The following HRK variants were observed in gnomAD, a reference collection of about 807,000 sequenced individuals.
HRK encodes harakiri, BCL2 interacting protein.
HRK carries 6 observed loss-of-function variants against 5.9 expected under a neutral mutation model. The ratio of observed to expected loss-of-function variants is 1.02; its 90% CI spans 0.56 to 2.01. The LOEUF is 2.01. HRK is among the 30% of genes most tolerant of loss of function. The pLI, the probability that HRK is intolerant of heterozygous loss-of-function variation, is 0.00. For synonymous variants in HRK, 85 were observed against 65.1 expected, an observed-to-expected ratio of 1.31 and a Z score of -1.47; for missense variants, 133 against 128.3, an observed-to-expected ratio of 1.04 and a Z score of -0.18.
chr12:116,860,813 C>T lies in HRK; in HGVS notation c.*710G>A, dbSNP rs745923694. 6.6e-6 allele frequency: 1 copy of T among 152,182 alleles called. No individual in the cohort carries two copies. The highest frequency in any genetic ancestry group is 1.5e-5 in the Non-Finnish European group (1 of 68,070). The allele number at this position is 152,182 out of a possible 1,614,324, so 9.4% of individuals were successfully genotyped here. On this transcript the variant is annotated 3_prime_UTR_variant, in exon 2 of 2. Transcript: ENST00000257572. ...AATACCACAGCAGCACCAGCAGGAA[C>T]GCACTTAGCACCAGCAAAATTTTAA...
rs994823403 is a variant in HRK, at chr12:116,859,993, A to G, written c.*1530T>C. On this transcript the variant is annotated 3_prime_UTR_variant, in exon 2 of 2. Transcript: ENST00000257572. ...CGCATCCACCTTAAACATGGATCCC[A>G]CTGCTGGCGTCTTAGAACTGGAGCG... 6.6e-6 allele frequency: 1 copy of G among 152,202 alleles called. No homozygotes were observed. The highest frequency in any genetic ancestry group is 2.4e-5 in the African/African-American group (1 of 41,444). 9.4% of individuals were successfully genotyped at this position (152,202 alleles called of 1,614,324 possible). A position where few individuals can be genotyped will look rare whatever the true frequency, so the allele number is the denominator to read the frequency against.
intron 1 of HRK, among the ~76,000 whole-genome samples, chr12:116,877,850 C>T (rs577515619): frequency 6.6e-6 from 1 of 152,046 alleles, no homozygotes; most frequent in Admixed American, 6.6e-5. Context: ...ATTGCTGGTT[C>T]GCAGTAGAGA....
intron 1 of HRK, among the ~76,000 whole-genome samples, chr12:116,876,178 G>C (rs1057428703): frequency 6.6e-6 from 1 of 152,120 alleles, no homozygotes. Flanking sequence ...CTCACTATGC[G>C]AGCGGATGAC....
intron 1 of HRK, among the ~76,000 whole-genome samples, chr12:116,863,457 G>A (rs954028190): frequency 6.6e-6 from 1 of 152,102 alleles, no homozygotes; most frequent in Non-Finnish European, 1.5e-5. Flanking sequence ...CCCCTCTATG[G>A]CCAAGCCTGG....
chr12:116,881,121 CG>C lies in HRK; in HGVS notation c.186del (p.Gly63AlafsTer51). 1 of 1,219,896 alleles carries C rather than the reference CG, an allele frequency of 8.2e-7. No individual in the cohort carries two copies. The highest frequency in any genetic ancestry group is 1.0e-6 in the Non-Finnish European group (1 of 981,166). 75.6% of individuals were successfully genotyped at this position (1,219,896 alleles called of 1,614,324 possible). ...CAAGGCCAGTAGGTGGGGAGCGCGC[CG>C]GGCGCCGGCGCCCTCCGGCTCCGCG... ...RRARSRRAPA[P>X]GALPTYWPWL... On this transcript the variant is annotated frameshift_variant, in exon 1 of 2. Coordinates refer to ENST00000257572, the MANE Select transcript of HRK (RefSeq NM_003806.4). LOFTEE classifies it high-confidence loss of function.
intron 1 of HRK, among the ~76,000 whole-genome samples, chr12:116,876,247 CG>C (rs981145585): frequency 1.3e-5 from 2 of 152,182 alleles, no homozygotes; most frequent in Non-Finnish European, 2.9e-5. Flanking sequence ...GGCCCCTTCC[CG>C]GGGGGTTCCT....
At chr12:116,871,596 G>A (rs1239920548) in intron 1 of HRK, among the ~76,000 whole-genome samples, 19 of 136,084 alleles carry the variant, frequency 1.4e-4, no homozygotes, top group Non-Finnish European at 2.7e-4. Context: ...GAGCCACCGT[G>A]CCCAGCCAAA....
At chr12:116,873,817 C>T (rs1878840685) in intron 1 of HRK, among the ~76,000 whole-genome samples, 1 of 152,166 alleles carries the variant, frequency 6.6e-6, no homozygotes, top group African/African-American at 2.4e-5. Context: ...TGCCTCCCCA[C>T]AGGAAAAGGA....
At chr12:116,875,740 C>G (rs997159411) in intron 1 of HRK, among the ~76,000 whole-genome samples, 1 of 152,078 alleles carries the variant, frequency 6.6e-6, no homozygotes, top group African/African-American at 2.4e-5. Flanking sequence ...GATGGGGTTT[C>G]ACCACATTGG....
intron 1 of HRK, among the ~76,000 whole-genome samples, chr12:116,863,069 G>A (rs1486667385): frequency 6.6e-6 from 1 of 152,162 alleles, no homozygotes; most frequent in African/African-American, 2.4e-5. Flanking sequence ...CTATAAGTTA[G>A]CGGGGGAGAT....
chr12:116,862,617 C>G lies in HRK; in HGVS notation c.*57-1151G>C, dbSNP rs559945642. On this transcript the variant is annotated intron_variant, in intron 1 of 1. Coordinates refer to ENST00000257572, the MANE Select transcript of HRK (RefSeq NM_003806.4). The surrounding 1 kb of genome is among the most constrained non-coding windows in gnomAD (Gnocchi z 4.0). ...GCGCATGGGGTTTCTTTCAGGGAAA[C>G]GAAAATTTTCCAAAGTTGACTGTGA... Among the ~76,000 whole-genome samples, 5 of 152,208 alleles carry G rather than the reference C, an allele frequency of 3.3e-5. No individual in the cohort carries two copies. The highest frequency in any genetic ancestry group is 1.2e-4 in the African/African-American group (5 of 41,548).
At chr12:116,873,297 ACTACAATTTTCTT>A (rs1343035721) in intron 1 of HRK, among the ~76,000 whole-genome samples, 2 of 150,620 alleles carry the variant, frequency 1.3e-5, no homozygotes. Context: ...ACCACGCCTG[ACTACAATTTTCTT>A]TTATTCAGCA....
chr12:116,880,670 T>C (rs1879112985), intron 1 of HRK, among the ~76,000 whole-genome samples: 1 of 152,030 alleles, frequency 6.6e-6, no homozygotes, highest in African/African-American at 2.4e-5. Flanking sequence ...GTGTGTTTAT[T>C]TGTGGGGCTG....
Position 116,881,342 on chromosome 12 carries a change from C to A in HRK, c.-35G>T. The A allele has an allele frequency of 9.4e-7, 1 of 1,058,750 alleles. No homozygotes were observed. The highest frequency in any genetic ancestry group is 1.1e-6 in the Non-Finnish European group (1 of 878,816). 65.6% of individuals were successfully genotyped at this position (1,058,750 alleles called of 1,614,324 possible). On this transcript the variant is annotated 5_prime_UTR_variant, in exon 1 of 2. Transcript: ENST00000257572. ...CCTCGCTCCCGCCCCGCGCTCGGGC[C>A]GCCCCTCGCCTCCTCTCCCTCCGGC...
intron 1 of HRK, among the ~76,000 whole-genome samples, chr12:116,866,505 C>T (rs530239671): frequency 1.3e-5 from 2 of 151,970 alleles, no homozygotes; most frequent in East Asian, 1.9e-4. Context: ...TAGTTCATGT[C>T]GGCCAGGTAG....
chr12:116,866,157 CAAAAAAA>C (rs10682657), intron 1 of HRK, among the ~76,000 whole-genome samples: 11 of 92,128 alleles, frequency 1.2e-4, no homozygotes, highest in East Asian at 6.3e-4. Context: ...GATTCCATCT[CAAAAAAA>C]AAAAAAAAAA....
In HRK at chr12:116,860,879, T is replaced by C. The variant is rs1202019498; in HGVS notation, c.*644A>G. 1 of 152,254 alleles carries C rather than the reference T, an allele frequency of 6.6e-6. No individual in the cohort carries two copies. Among genetic ancestry groups the C allele is most frequent in the East Asian group, 1.9e-4 (1 of 5,200 alleles). The allele number at this position is 152,254 out of a possible 1,614,324, so 9.4% of individuals were successfully genotyped here. A position where few individuals can be genotyped will look rare whatever the true frequency, so the allele number is the denominator to read the frequency against. ...CACAAAAATCCCATTTCTCTTGACG[T>C]GACAGTGGGATCTAGCGATCGACCT... On this transcript the variant is annotated 3_prime_UTR_variant, in exon 2 of 2. Coordinates refer to ENST00000257572, the MANE Select transcript of HRK (RefSeq NM_003806.4).
At chr12:116,872,201 T>A (rs1878776843) in intron 1 of HRK, among the ~76,000 whole-genome samples, 1 of 152,102 alleles carries the variant, frequency 6.6e-6, no homozygotes. Context: ...AAACTCTGTC[T>A]CTACTAAAAA....
intron 1 of HRK, 115 bp downstream of exon 1, chr12:116,880,861 A>G: frequency 2.8e-6 from 1 of 362,680 alleles, no homozygotes; most frequent in Non-Finnish European, 4.8e-6. Context: ...GAACGGAGGA[A>G]GAAGGAGAAG....
Sources: allele counts gnomAD v4.1 joint callset (sites outside exome capture counted in the v4.1 genomes callset), GRCh38; gene constraint gnomAD v4.1.1; non-coding constraint Gnocchi (gnomAD v3.1); transcripts MANE v1.5; gene names NCBI Gene and HGNC (gene_info 2026-07-23, HGNC 2026-07-21).